Variants in LDLRAD4 observed in about 807,000 individuals in gnomAD.
LDLRAD4 encodes low density lipoprotein receptor class A domain containing 4.
LDLRAD4 carries 5 observed loss-of-function variants against 17.0 expected under a neutral mutation model. That is an observed-to-expected ratio of 0.29 (90% CI 0.15 to 0.62). The LOEUF (loss-of-function observed/expected upper bound fraction) is 0.62. LDLRAD4 is among the 20% of genes least tolerant of loss of function. LDLRAD4 has a pLI of 0.84. For synonymous variants in LDLRAD4, 168 were observed against 171.8 expected (o/e 0.98, Z 0.17); for missense variants, 340 against 424.7 (o/e 0.80, Z 1.75).
At position 13,604,248 on chromosome 18, in the gene LDLRAD4, C is replaced by T. The variant is rs562059432; in HGVS notation, c.182-16869C>T. On this transcript the variant is annotated intron_variant, in intron 3 of 5. Coordinates refer to ENST00000359446, the Ensembl canonical transcript of LDLRAD4. ...GGCCAAGCTAAAGGTCTTGGAGCCA[C>T]CTGGACACATCCTGCAGTTTATAAG... Among the ~76,000 whole-genome samples, 9 of 152,326 alleles carry T rather than the reference C, an allele frequency of 5.9e-5. 1 individual carries two copies. In the East Asian group the frequency reaches 1.7e-3, roughly 29 times the overall value.
chr18:13,401,470 C>T lies in LDLRAD4; in HGVS notation c.40+13708C>T, dbSNP rs148276202. ...ACTGCACTTTATGTATTTCCTGGCT[C>T]CTTGTAAGTGCATTGCTCAGATGTG... On this transcript the variant is annotated intron_variant, in intron 2 of 5. Transcript: ENST00000359446. Among the ~76,000 whole-genome samples, 1,478 of 151,642 alleles carry T rather than the reference C, an allele frequency of 9.7e-3. 20 individuals are homozygous for T. Among genetic ancestry groups the T allele is most frequent in the African/African-American group, 0.034 (1,418 of 41,326 alleles).
intron 3 of LDLRAD4, among the ~76,000 whole-genome samples, chr18:13,533,562 A>C (rs1159370503): frequency 6.6e-6 from 1 of 152,186 alleles, no homozygotes; most frequent in Non-Finnish European, 1.5e-5. Flanking sequence ...GATTTGATTT[A>C]AATATAAATT....
At position 13,414,416 on chromosome 18, in the gene LDLRAD4, G is replaced by A. The variant is rs1030334247; in HGVS notation, c.41-23828G>A. ...TGCAGTTGGCATCTCTATTGTCACT[G>A]TCACTTAGAGGCCAGAGGACAGGCA... On this transcript the variant is annotated intron_variant, in intron 2 of 5. Coordinates refer to ENST00000359446, the Ensembl canonical transcript of LDLRAD4. Among the ~76,000 whole-genome samples, 11 of 152,352 alleles carry A rather than the reference G, an allele frequency of 7.2e-5. No individual in the cohort carries two copies. The East Asian group carries it at 2.1e-3, about 29-fold the overall frequency.
intron 1 of LDLRAD4, among the ~76,000 whole-genome samples, chr18:13,297,699 C>A (rs1379030505): frequency 6.6e-6 from 1 of 152,188 alleles, no homozygotes; most frequent in Non-Finnish European, 1.5e-5. Flanking sequence ...ACTTGGGAGG[C>A]CGAGACAGGA....
intron 1 of LDLRAD4, among the ~76,000 whole-genome samples, chr18:13,286,019 C>T (rs2045601354): frequency 6.6e-6 from 1 of 152,170 alleles, no homozygotes; most frequent in African/African-American, 2.4e-5. Context: ...GTGCAACCAT[C>T]ACCACCATCC....
At chr18:13,554,063 C>T (rs899158836) in intron 3 of LDLRAD4, among the ~76,000 whole-genome samples, 1 of 152,090 alleles carries the variant, frequency 6.6e-6, no homozygotes, top group African/African-American at 2.4e-5. Context: ...CTTTTGTCTG[C>T]TTTGTGTTTG....
chr18:13,417,304 G>T (rs1316529859), intron 2 of LDLRAD4, among the ~76,000 whole-genome samples: 58 of 152,128 alleles, frequency 3.8e-4, no homozygotes, highest in Non-Finnish European at 2.1e-4. Context: ...AATTCATAAG[G>T]CTCATACAAA....
intron 1 of LDLRAD4, among the ~76,000 whole-genome samples, chr18:13,269,489 CA>C (rs2044400021): frequency 6.6e-6 from 1 of 152,042 alleles, no homozygotes; most frequent in South Asian, 2.1e-4. Flanking sequence ...TCTCTATTTT[CA>C]ATTAAAATGA....
intron 1 of LDLRAD4, among the ~76,000 whole-genome samples, chr18:13,265,027 C>T (rs1482539604): frequency 1.3e-5 from 2 of 152,226 alleles, no homozygotes. Context: ...TGGTGCTGTT[C>T]TGACCCCCTC....
intron 3 of LDLRAD4, among the ~76,000 whole-genome samples, chr18:13,569,243 T>A (rs1017025602): frequency 3.9e-5 from 6 of 152,050 alleles, no homozygotes; most frequent in African/African-American, 1.4e-4. Flanking sequence ...TTTCCCACGC[T>A]TGGGCCTCCC....
At chr18:13,401,225 A>C (rs550517513) in intron 2 of LDLRAD4, among the ~76,000 whole-genome samples, 3 of 152,192 alleles carry the variant, frequency 2.0e-5, no homozygotes, top group Non-Finnish European at 4.4e-5. Flanking sequence ...CCACATGCCC[A>C]GGAGCAGACA....
At chr18:13,236,816 A>T (rs188111874) in intron 1 of LDLRAD4, among the ~76,000 whole-genome samples, 187 of 152,142 alleles carry the variant, frequency 1.2e-3, no homozygotes, top group African/African-American at 4.3e-3. Context: ...ATGTGTTGAC[A>T]TCTTCCTCTG....
chr18:13,415,070 A>G (rs1314167744), intron 2 of LDLRAD4, among the ~76,000 whole-genome samples: 1 of 152,168 alleles, frequency 6.6e-6, no homozygotes, highest in African/African-American at 2.4e-5. Context: ...CTGTGAGAGT[A>G]CAGCTGGGCT....
rs775538958 is a variant in LDLRAD4, at chr18:13,645,899, G to A, written c.*242G>A. Reference sequence around the variant, plus strand: ...TTATTTGGGGACAGGGGTTGGGATGGGGGTGTGGGCAGGGGAAAACAGAGA... The same window carrying A: ...TTATTTGGGGACAGGGGTTGGGATGAGGGTGTGGGCAGGGGAAAACAGAGA... On this transcript the variant is annotated 3_prime_UTR_variant, in exon 6 of 6. Transcript: ENST00000359446. The surrounding 1 kb of genome is among the most constrained non-coding windows in gnomAD (Gnocchi z 5.7). The A allele has an allele frequency of 2.7e-6, 1 of 375,410 alleles. No individual in the cohort carries two copies. The highest frequency in any genetic ancestry group is 4.7e-6 in the Non-Finnish European group (1 of 212,478). 23.3% of individuals were successfully genotyped at this position (375,410 alleles called of 1,614,324 possible). A position where few individuals can be genotyped will look rare whatever the true frequency, so the allele number is the denominator to read the frequency against.
At chr18:13,338,062 G>A (rs1157457647) in intron 1 of LDLRAD4, among the ~76,000 whole-genome samples, 2 of 152,126 alleles carry the variant, frequency 1.3e-5, no homozygotes, top group Non-Finnish European at 2.9e-5. Context: ...GTCACCTACA[G>A]CTTCAAGTTA....
intron 3 of LDLRAD4, among the ~76,000 whole-genome samples, chr18:13,579,202 T>TA (rs201136846): frequency 0.01 from 1,586 of 151,812 alleles, 39 homozygotes; most frequent in African/African-American, 0.036. Context: ...AAAATAAAAA[T>TA]AAAAAAAATA....
chr18:13,643,537 G>C (rs1386387805), intron 5 of LDLRAD4, 125 bp downstream of exon 6: 1 of 473,994 alleles, frequency 2.1e-6, no homozygotes, highest in African/African-American at 2.0e-5. Flanking sequence ...CACTTTTGGA[G>C]GAAGGCATTG....
Position 13,316,028 on chromosome 18 carries a change from AGG to A in LDLRAD4, c.-383+37841_-383+37842del, listed in dbSNP as rs566936967. On this transcript the variant is annotated intron_variant, in intron 1 of 5. Transcript: ENST00000359446. ...TGTGGAGAAAAGGCCCAGCGTGCAA[AGG>A]TGAGGGACGGTGAGAGGAGAGAGAT... Among the ~76,000 whole-genome samples, 77 of 152,276 alleles carry A rather than the reference AGG, an allele frequency of 5.1e-4. No homozygotes were observed. In the South Asian group the frequency reaches 6.4e-3, roughly 13 times the overall value.
At chr18:13,225,475 T>C (rs549249832) in intron 1 of LDLRAD4, among the ~76,000 whole-genome samples, 49 of 152,216 alleles carry the variant, frequency 3.2e-4, no homozygotes, top group South Asian at 1.0e-3. Flanking sequence ...GGCATGGGGC[T>C]GATTAAGTTA....
Sources: allele counts gnomAD v4.1 joint callset (sites outside exome capture counted in the v4.1 genomes callset), GRCh38; gene constraint gnomAD v4.1.1; non-coding constraint Gnocchi (gnomAD v3.1); transcripts MANE v1.5; gene names NCBI Gene and HGNC (gene_info 2026-07-23, HGNC 2026-07-21).